The following PVT1 variants were observed in gnomAD, a reference collection of about 807,000 sequenced individuals.
PVT1 encodes the protein CXCR4/PVT1 fusion.
At chr8:127,836,648 C>T (rs568461167) in intron 2 of PVT1, among the ~76,000 whole-genome samples, 5 of 152,240 alleles carry the variant, frequency 3.3e-5, no homozygotes, top group Non-Finnish European at 7.4e-5. Flanking sequence ...AAAATAAGAA[C>T]GTAAAAGAGT....
At chr8:128,025,360 A>G (rs1817481116) in intron 4 of PVT1, among the ~76,000 whole-genome samples, 2 of 152,190 alleles carry the variant, frequency 1.3e-5, no homozygotes, top group Admixed American at 6.5e-5. Context: ...CAGGCAGGTA[A>G]TAATCCCACC....
chr8:127,937,612 A>C (rs1281420189), intron 3 of PVT1, among the ~76,000 whole-genome samples: 2 of 87,998 alleles, frequency 2.3e-5, no homozygotes, highest in African/African-American at 7.8e-5. Flanking sequence ...GAGAGAGACC[A>C]ACGTGGCCTC....
intron 3 of PVT1, among the ~76,000 whole-genome samples, chr8:127,978,712 G>C (rs564112793): frequency 6.6e-6 from 1 of 152,204 alleles, no homozygotes; most frequent in African/African-American, 2.4e-5. Context: ...TCTAGAACTC[G>C]TGAAAACAGG....
intron 2 of PVT1, among the ~76,000 whole-genome samples, chr8:127,839,765 G>A (rs1814952218): frequency 6.6e-6 from 1 of 151,992 alleles, no homozygotes; most frequent in African/African-American, 2.4e-5. Context: ...TGTTAGGGAA[G>A]GTGTCAGAGA....
At position 128,008,910 on chromosome 8, in the gene PVT1, A is replaced by G. The variant is rs997292482; in HGVS notation, n.912+19619A>G. 5 of 524,040 alleles carry G rather than the reference A, an allele frequency of 9.5e-6. No individual in the cohort carries two copies. In the African/African-American group the frequency reaches 9.6e-5, roughly 10 times the overall value. The allele number at this position is 524,040 out of a possible 1,614,324, so 32.5% of individuals were successfully genotyped here. On this transcript the variant is annotated intron_variant and non_coding_transcript_variant, in intron 4 of 10. Transcript: ENST00000651587. ...GCTTTTTTCATATCAGTGTTCATGT[A>G]GATGTTTAAGCTCTTGCAGTAGGTT...
At chr8:127,932,441 G>A in intron 3 of PVT1, 3 of 398,636 alleles carry the variant, frequency 7.5e-6, no homozygotes, top group Non-Finnish European at 1.3e-5. Context: ...TGTCACATGA[G>A]TTTTCTTTCT....
At chr8:128,021,654 G>A (rs1379414283) in intron 4 of PVT1, among the ~76,000 whole-genome samples, 1 of 152,182 alleles carries the variant, frequency 6.6e-6, no homozygotes, top group Admixed American at 6.5e-5. Context: ...CTGTTGCAGG[G>A]TGAGTGTGCT....
At chr8:128,039,306 T>C (rs919137940) in intron 4 of PVT1, among the ~76,000 whole-genome samples, 14 of 152,286 alleles carry the variant, frequency 9.2e-5, no homozygotes, top group African/African-American at 3.1e-4. Flanking sequence ...TTCTTCTCTT[T>C]CAAAATACAG....
intron 4 of PVT1, among the ~76,000 whole-genome samples, chr8:128,042,057 T>C (rs1813552023): frequency 6.6e-6 from 1 of 152,200 alleles, no homozygotes; most frequent in Non-Finnish European, 1.5e-5. Flanking sequence ...TTAGCATCTC[T>C]TGGTACTGAG....
At chr8:127,830,376 A>G (rs942929269) in intron 2 of PVT1, among the ~76,000 whole-genome samples, 1 of 151,736 alleles carries the variant, frequency 6.6e-6, no homozygotes, top group Non-Finnish European at 1.5e-5. Context: ...AGGGGCAGGG[A>G]TGGAAGCAAG....
rs535604113 is a variant in PVT1, at chr8:127,811,286, A to G, written n.372+15215A>G. On this transcript the variant is annotated intron_variant and non_coding_transcript_variant, in intron 2 of 10. Transcript: ENST00000651587. ...AAATATAAACTCTCCTGATTTTTAAATGTTTTCAGTTAAGTTTTTAAAGGA... is the reference window on the plus strand; with the variant it reads ...AAATATAAACTCTCCTGATTTTTAAGTGTTTTCAGTTAAGTTTTTAAAGGA... Among the ~76,000 whole-genome samples, 9 of 152,260 alleles carry G rather than the reference A, an allele frequency of 5.9e-5. No individual in the cohort carries two copies. The South Asian group carries it at 1.9e-3, about 32-fold the overall frequency.
chr8:127,977,837 G>A (rs1816838403), intron 3 of PVT1, among the ~76,000 whole-genome samples: 2 of 152,202 alleles, frequency 1.3e-5, no homozygotes, highest in Admixed American at 6.5e-5. Context: ...ATAGGATTAA[G>A]TCTGTAAACC....
At chr8:127,852,105 G>T (rs561542182) in intron 2 of PVT1, 1 of 152,196 alleles carries the variant, frequency 6.6e-6, no homozygotes, top group South Asian at 2.1e-4. Flanking sequence ...GAGCTGCCTC[G>T]ATTTCTGGTT....
At chr8:127,801,929 T>C (rs1410108791) in intron 2 of PVT1, among the ~76,000 whole-genome samples, 1 of 124,014 alleles carries the variant, frequency 8.1e-6, no homozygotes, top group Non-Finnish European at 1.8e-5. Context: ...TATTTATTTA[T>C]TTACTGAGAC....
intron 2 of PVT1, among the ~76,000 whole-genome samples, chr8:127,809,809 A>G (rs1814570869): frequency 6.6e-6 from 1 of 152,232 alleles, no homozygotes. Flanking sequence ...CACTTAGGTC[A>G]TGATTCATCC....
At chr8:127,841,951 C>G (rs1814979735) in intron 2 of PVT1, among the ~76,000 whole-genome samples, 1 of 148,506 alleles carries the variant, frequency 6.7e-6, no homozygotes, top group Non-Finnish European at 1.5e-5. Flanking sequence ...GTCTTGAACT[C>G]CTGACCTTGT....
intron 2 of PVT1, among the ~76,000 whole-genome samples, chr8:127,807,903 G>T (rs1814545456): frequency 6.6e-6 from 1 of 152,092 alleles, no homozygotes; most frequent in African/African-American, 2.4e-5. Flanking sequence ...GAGTAGCTGG[G>T]ACTACAGATG....
intron 2 of PVT1, among the ~76,000 whole-genome samples, chr8:127,889,057 T>C (rs1417112465): frequency 1.4e-5 from 2 of 140,176 alleles, no homozygotes; most frequent in Non-Finnish European, 3.1e-5. Flanking sequence ...CCTTCCTTCC[T>C]TCCTTCCTTC....
intron 6 of PVT1, among the ~76,000 whole-genome samples, chr8:128,097,158 C>T (rs1243607429): frequency 2.6e-5 from 4 of 152,154 alleles, no homozygotes; most frequent in Non-Finnish European, 5.9e-5. Flanking sequence ...GTCAGAAGTT[C>T]GAGACCAGCC....
Sources: allele counts gnomAD v4.1 joint callset (sites outside exome capture counted in the v4.1 genomes callset), GRCh38; gene constraint gnomAD v4.1.1; transcripts MANE v1.5; gene names NCBI Gene and HGNC (gene_info 2026-07-23, HGNC 2026-07-21).